CHCHD3: variants seen among roughly 807,000 people sequenced by gnomAD.
CHCHD3 encodes the protein coiled-coil-helix-coiled-coil-helix domain containing 3, also known as MICOS complex subunit MIC19.
CHCHD3 carries 20 observed loss-of-function variants against 38.2 expected under a neutral mutation model. That is an observed-to-expected ratio of 0.52 (90% confidence interval 0.37 to 0.76). The LOEUF (loss-of-function observed/expected upper bound fraction) is 0.76, where lower values mean the gene tolerates loss of function less well. CHCHD3 is among the 30% of genes least tolerant of loss of function. CHCHD3 has a pLI of 0.00. For missense variants in CHCHD3, 245 were observed against 279.2 expected (o/e 0.88, Z 0.87); for synonymous variants, 82 against 100.0 (o/e 0.82, Z 1.07).
chr7:133,039,329 C>A (rs1486804301), intron 2 of CHCHD3, among the ~76,000 whole-genome samples: 1 of 152,174 alleles, frequency 6.6e-6, no homozygotes, highest in Non-Finnish European at 1.5e-5. Flanking sequence ...GTTTAATCAT[C>A]TTATTTATTT....
At chr7:133,056,466 C>A (rs957946895) in intron 2 of CHCHD3, among the ~76,000 whole-genome samples, 2 of 152,172 alleles carry the variant, frequency 1.3e-5, no homozygotes, top group Non-Finnish European at 2.9e-5. Flanking sequence ...TCATCACCAC[C>A]CCTTTCCTGA....
chr7:132,948,580 A>G (rs1237299442), intron 4 of CHCHD3, among the ~76,000 whole-genome samples: 1 of 152,118 alleles, frequency 6.6e-6, no homozygotes, highest in African/African-American at 2.4e-5. Context: ...ATTACCAACA[A>G]CGATACCCAA....
intron 4 of CHCHD3, among the ~76,000 whole-genome samples, chr7:132,903,332 T>TG (rs1368587460): frequency 1.4e-5 from 2 of 144,626 alleles, no homozygotes; most frequent in Non-Finnish European, 3.1e-5. Flanking sequence ...GTTGTTATAT[T>TG]GGGGTTTTTT....
intron 3 of CHCHD3, among the ~76,000 whole-genome samples, chr7:133,006,691 G>A (rs1262044878): frequency 2.6e-5 from 4 of 151,934 alleles, no homozygotes; most frequent in African/African-American, 9.7e-5. Context: ...ATAATATTTA[G>A]TATAACCTTT....
chr7:132,879,456 T>A (rs1808994196), intron 5 of CHCHD3, among the ~76,000 whole-genome samples: 1 of 152,060 alleles, frequency 6.6e-6, no homozygotes, highest in African/African-American at 2.4e-5. Flanking sequence ...TCAATTCAAA[T>A]TCATAATGGA....
chr7:132,973,771 G>A (rs1562926183), intron 4 of CHCHD3: 1 of 1,068,222 alleles, frequency 9.4e-7, no homozygotes, highest in Non-Finnish European at 1.1e-6. Context: ...AAGAATGGGA[G>A]AGACTAGAAA....
chr7:132,804,100 G>C (rs1806855553), intron 6 of CHCHD3, among the ~76,000 whole-genome samples: 1 of 151,924 alleles, frequency 6.6e-6, no homozygotes, highest in Non-Finnish European at 1.5e-5. Flanking sequence ...CAAGGGACAG[G>C]GCACCAGGCC....
chr7:132,977,562 A>C (rs1251719322), intron 3 of CHCHD3, among the ~76,000 whole-genome samples: 1 of 152,232 alleles, frequency 6.6e-6, no homozygotes, highest in Admixed American at 6.5e-5. Flanking sequence ...ACCTATTTTT[A>C]CCAGTGAGGT....
At chr7:132,916,370 C>A (rs1810105612) in intron 4 of CHCHD3, among the ~76,000 whole-genome samples, 1 of 152,122 alleles carries the variant, frequency 6.6e-6, no homozygotes, top group South Asian at 2.1e-4. Context: ...TACTTTGTTT[C>A]ATATCACCAT....
chr7:133,025,991 A>G (rs946804274), intron 2 of CHCHD3, among the ~76,000 whole-genome samples: 2 of 152,246 alleles, frequency 1.3e-5, no homozygotes, highest in African/African-American at 2.4e-5. Flanking sequence ...AAGAAGATAC[A>G]TGAAAGATCA....
intron 1 of CHCHD3, among the ~76,000 whole-genome samples, chr7:133,071,210 C>A (rs1455201571): frequency 6.6e-6 from 1 of 152,144 alleles, no homozygotes; most frequent in Non-Finnish European, 1.5e-5. Flanking sequence ...CTGCCTTTCA[C>A]TAGAAAGAAA....
At chr7:132,810,632 G>A (rs1173825693) in intron 6 of CHCHD3, among the ~76,000 whole-genome samples, 7 of 152,164 alleles carry the variant, frequency 4.6e-5, no homozygotes, top group Non-Finnish European at 8.8e-5. Flanking sequence ...TATTTCAGAG[G>A]TGGAATCTCA....
chr7:132,997,966 G>A (rs1268700630), intron 3 of CHCHD3, among the ~76,000 whole-genome samples: 1 of 152,106 alleles, frequency 6.6e-6, no homozygotes, highest in South Asian at 2.1e-4. Context: ...AATAAATACT[G>A]TCAAGGAAGA....
intron 5 of CHCHD3, among the ~76,000 whole-genome samples, chr7:132,874,293 T>C (rs1808841515): frequency 1.3e-5 from 2 of 152,208 alleles, no homozygotes; most frequent in African/African-American, 4.8e-5. Context: ...GAGCATGTGA[T>C]TACTGACCAT....
chr7:132,906,807 G>A (rs950521948), intron 4 of CHCHD3, among the ~76,000 whole-genome samples: 3 of 152,102 alleles, frequency 2.0e-5, no homozygotes, highest in East Asian at 1.9e-4. Context: ...TGCATCCTCC[G>A]GAGATGAAAC....
chr7:132,903,336 G>GT (rs61170772), intron 4 of CHCHD3, among the ~76,000 whole-genome samples: 30,690 of 151,980 alleles, frequency 0.2, 3,483 homozygotes, highest in South Asian at 0.27. Flanking sequence ...TTATATTGGG[G>GT]TTTTTTTCTG....
At chr7:132,836,154 C>T (rs1807775285) in intron 6 of CHCHD3, among the ~76,000 whole-genome samples, 1 of 151,910 alleles carries the variant, frequency 6.6e-6, no homozygotes, top group Non-Finnish European at 1.5e-5. Flanking sequence ...TGCTCTGTTG[C>T]CCAGGCTAAA....
chr7:132,885,656 T>G lies in CHCHD3; in HGVS notation c.453+6A>C, dbSNP rs1310413040. ...TAATAGAATCAATGATAAAAAATAG[T>G]CATACCCTCTCCTCCAGTCTAGCCA... On this transcript the variant is annotated splice_donor_region_variant and intron_variant, in intron 5 of 7. Transcript: ENST00000262570. 2 of 1,595,546 alleles carry G rather than the reference T, an allele frequency of 1.3e-6. No homozygotes were observed. Among genetic ancestry groups the G allele is most frequent in the East Asian group, 2.3e-5 (1 of 44,012 alleles).
intron 3 of CHCHD3, among the ~76,000 whole-genome samples, chr7:132,995,677 A>G (rs1439269905): frequency 6.6e-6 from 1 of 152,230 alleles, no homozygotes; most frequent in Non-Finnish European, 1.5e-5. Flanking sequence ...CGTAAAACCT[A>G]GGACTTGCTC....
Sources: allele counts gnomAD v4.1 joint callset (sites outside exome capture counted in the v4.1 genomes callset), GRCh38; gene constraint gnomAD v4.1.1; transcripts MANE v1.5; gene names NCBI Gene and HGNC (gene_info 2026-07-23, HGNC 2026-07-21).